PCDH15: variants seen among roughly 807,000 people sequenced by gnomAD.
PCDH15 encodes protocadherin related 15, also known as protocadherin-15.
In PCDH15, 129 loss-of-function variants were observed where a neutral mutation model predicts 178.5. That is an observed-to-expected ratio of 0.72 (90% CI 0.63 to 0.84). The LOEUF (loss-of-function observed/expected upper bound fraction) is 0.84. Among genes scored for constraint, PCDH15 ranks in the 40% least tolerant of loss-of-function variants. PCDH15 has a pLI of 0.00. For missense variants in PCDH15, 2,230 were observed against 2,099.9 expected, an observed-to-expected ratio of 1.06 and a Z score of -1.21; for synonymous variants, 800 against 732.0, an observed-to-expected ratio of 1.09 and a Z score of -1.50.
At chr10:53,850,999 A>G (rs1482757905) in intron 28 of PCDH15, among the ~76,000 whole-genome samples, 1 of 152,148 alleles carries the variant, frequency 6.6e-6, no homozygotes, top group Non-Finnish European at 1.5e-5. Flanking sequence ...AAATCGTCCA[A>G]GTGATCTATC....
intron 1 of PCDH15, among the ~76,000 whole-genome samples, chr10:54,718,890 T>C (rs2095512883): frequency 6.6e-6 from 1 of 151,540 alleles, no homozygotes; most frequent in Admixed American, 6.6e-5. Flanking sequence ...AGAGACGGGG[T>C]TTCACTATGT....
intron 7 of PCDH15, among the ~76,000 whole-genome samples, 177 bp downstream of exon 7, chr10:54,329,419 C>T (rs1472621708): frequency 6.6e-6 from 1 of 151,876 alleles, no homozygotes; most frequent in Non-Finnish European, 1.5e-5. Context: ...TGAATAAAAA[C>T]AACCTATTCT....
rs2132946568 is a variant in PCDH15, at chr10:54,749,532, T to A, written c.-29+51393A>T. Among the ~76,000 whole-genome samples the A allele has an allele frequency of 2.6e-5, 4 of 152,276 alleles. No individual in the cohort carries two copies. In the Middle Eastern group the frequency reaches 0.014, roughly 518 times the overall value. ...TGAAACCCAGAGTTCCATTTACTCA[T>A]TCGAATGGCTATACTTTTTTAGAAT... On this transcript the variant is annotated intron_variant, in intron 1 of 37. Coordinates refer to ENST00000644397, the MANE Select transcript of PCDH15 (RefSeq NM_001384140.1).
intron 1 of PCDH15, among the ~76,000 whole-genome samples, chr10:54,719,511 C>CTT (rs139515670): frequency 2.0e-5 from 3 of 148,846 alleles, no homozygotes; most frequent in Non-Finnish European, 4.5e-5. Context: ...TTATTATTTC[C>CTT]TTTTTTTTTT....
rs56254743 is a variant in PCDH15 at position 55,529,741 on chromosome 10, G to GTATATATATATATATA, written c.-156+97868_-156+97883dup. Reference sequence around the variant, plus strand: ...TATATATATATGTGTTTGTCTGTGAGTATATATATATATATATATATATAT... The same window carrying GTATATATATATATATA: ...TATATATATATGTGTTTGTCTGTGAGTATATATATATATATATATATATATATATATATATATATAT... On this transcript the variant is annotated intron_variant, in intron 2 of 5. Coordinates refer to the PCDH15 transcript ENST00000613346. Among the ~76,000 whole-genome samples, 379 of 62,672 alleles carry GTATATATATATATATA rather than the reference G, an allele frequency of 6.0e-3. 10 individuals are homozygous for GTATATATATATATATA. The highest frequency in any genetic ancestry group is 7.5e-3 in the Non-Finnish European group (243 of 32,508). 41.1% of individuals were successfully genotyped at this position (62,672 alleles called of 152,430 possible).
chr10:55,299,871 T>C (rs1843228035), intron 1 of PCDH15, among the ~76,000 whole-genome samples: 1 of 152,192 alleles, frequency 6.6e-6, no homozygotes, highest in Non-Finnish European at 1.5e-5. Context: ...CTGGTCATAC[T>C]ATATATGAAG....
intron 27 of PCDH15, among the ~76,000 whole-genome samples, chr10:53,858,802 C>T (rs532454650): frequency 3.9e-5 from 6 of 152,088 alleles, no homozygotes; most frequent in African/African-American, 9.7e-5. Context: ...ACTTCACTAG[C>T]GAACTAGCGA....
intron 2 of PCDH15, among the ~76,000 whole-genome samples, chr10:55,050,658 G>A (rs1261082572): frequency 6.6e-6 from 1 of 151,922 alleles, no homozygotes; most frequent in Admixed American, 6.6e-5. Flanking sequence ...TCTACATTGA[G>A]GATATATCCT....
chr10:54,597,955 A>G (rs1465304315), intron 2 of PCDH15, among the ~76,000 whole-genome samples: 1 of 152,134 alleles, frequency 6.6e-6, no homozygotes, highest in African/African-American at 2.4e-5. Context: ...ATCCCTGAAG[A>G]TAACTATAAC....
intron 2 of PCDH15, among the ~76,000 whole-genome samples, chr10:55,149,833 A>G (rs1215074735): frequency 6.6e-6 from 1 of 152,104 alleles, no homozygotes; most frequent in Non-Finnish European, 1.5e-5. Flanking sequence ...CCATCTGGAA[A>G]TACATCATGT....
At chr10:54,856,717 C>T (rs947850064) in intron 3 of PCDH15, among the ~76,000 whole-genome samples, 6 of 152,142 alleles carry the variant, frequency 3.9e-5, no homozygotes, top group African/African-American at 1.4e-4. Flanking sequence ...TACCTCTAGA[C>T]CTGACATGTG....
chr10:55,490,183 A>T (rs1408060307), intron 2 of PCDH15, among the ~76,000 whole-genome samples: 1 of 151,824 alleles, frequency 6.6e-6, no homozygotes, highest in Non-Finnish European at 1.5e-5. Flanking sequence ...CAATTTAGCA[A>T]CTACAATTCA....
rs187211028 is a variant in PCDH15 at position 54,402,445 on chromosome 10, T to C, written c.158-23503A>G. The stretch of plus-strand genomic sequence containing the variant: ...AGCATGATCGTTTATGTATAAAATA[T>C]TAAATACAGATAGGCCACCTTTTAT... On this transcript the variant is annotated intron_variant, in intron 3 of 37. Coordinates refer to ENST00000644397, the MANE Select transcript of PCDH15 (RefSeq NM_001384140.1). Among the ~76,000 whole-genome samples the C allele has an allele frequency of 1.2e-4, 18 of 152,104 alleles. No homozygotes were observed. In the East Asian group the frequency reaches 3.3e-3, roughly 28 times the overall value.
intron 35 of PCDH15, 67 bp downstream of exon 35, chr10:53,816,168 GAATT>G (rs2076053684): frequency 2.5e-6 from 1 of 398,210 alleles, no homozygotes; most frequent in African/African-American, 2.1e-5. Flanking sequence ...CTGCCTACAA[GAATT>G]AATACAATAG....
chr10:54,673,621 AGAGACAGG>A (rs2094720903), intron 1 of PCDH15, among the ~76,000 whole-genome samples: 1 of 152,088 alleles, frequency 6.6e-6, no homozygotes, highest in Non-Finnish European at 1.5e-5. Flanking sequence ...TATTTTTAAT[AGAGACAGG>A]GTTTCTCCGT....
rs180772210 is a variant in PCDH15, at chr10:54,388,018, T to C, written c.158-9076A>G. On this transcript the variant is annotated intron_variant, in intron 3 of 37. Coordinates refer to ENST00000644397, the MANE Select transcript of PCDH15 (RefSeq NM_001384140.1). ...GATTAATGGTATAGAGTTTTAGTTT[T>C]ACAAGATGAATACAGTTCTGGAAAT... 4.9e-4 allele frequency among the ~76,000 whole-genome samples: 74 copies of C among 152,302 alleles called. 2 individuals carry two copies. The highest frequency in any genetic ancestry group is 3.4e-3 in the Middle Eastern group (1 of 294).
rs142751054 is a variant in PCDH15, at chr10:54,078,687, C to T, written c.2091+644G>A. Among the ~76,000 whole-genome samples the T allele has an allele frequency of 2.5e-3, 384 of 151,532 alleles. 3 individuals carry two copies. The highest frequency in any genetic ancestry group is 9.0e-3 in the African/African-American group (373 of 41,334). ...CAATACATAGAAAGCGGGATGCTGG[C>T]AGTTGTGAATGAGATCGTTCAAATA... On this transcript the variant is annotated intron_variant, in intron 17 of 37. Transcript: ENST00000644397.
At chr10:54,534,412 T>C (rs571130706) in intron 2 of PCDH15, among the ~76,000 whole-genome samples, 1 of 152,228 alleles carries the variant, frequency 6.6e-6, no homozygotes, top group Non-Finnish European at 1.5e-5. Flanking sequence ...TTAAATTTAC[T>C]AGGGAAAAAT....
chr10:54,383,628 T>TG (rs1491376880), intron 3 of PCDH15, among the ~76,000 whole-genome samples: 79 of 6,714 alleles, frequency 0.012, no homozygotes, highest in African/African-American at 0.024. Flanking sequence ...TATGTGTGTT[T>TG]TTGTGTGTGT....
Sources: gnomAD v4.1 joint callset for allele counts (sites outside exome capture counted in the v4.1 genomes callset) on GRCh38, gnomAD v4.1.1 for gene constraint, MANE v1.5 for transcripts, NCBI Gene and HGNC (gene_info 2026-07-23, HGNC 2026-07-21) for gene names.